The following DPPA3 variants were observed in gnomAD, a reference collection of about 807,000 sequenced individuals.
DPPA3 encodes the protein developmental pluripotency-associated protein 3.
In DPPA3, 9 loss-of-function variants were observed where a neutral mutation model predicts 15.6. The observed-to-expected ratio is 0.58, with a 90% CI of 0.35 to 1.01. The LOEUF (loss-of-function observed/expected upper bound fraction) is 1.01, where lower values mean the gene tolerates loss of function less well. Among genes scored for constraint, DPPA3 ranks in the 50% least tolerant of loss-of-function variants. DPPA3 has a pLI of 0.02. For synonymous variants in DPPA3, 61 were observed against 70.9 expected, an observed-to-expected ratio of 0.86 and a Z score of 0.70; for missense variants, 148 against 194.6, an observed-to-expected ratio of 0.76 and a Z score of 1.42.
chr12:7,712,975 G>T (rs776459575), intron 1 of DPPA3, among the ~76,000 whole-genome samples: 3 of 152,204 alleles, frequency 2.0e-5, no homozygotes, highest in Non-Finnish European at 4.4e-5. Flanking sequence ...AACGTGCTCC[G>T]TAATGTAAAT....
At chr12:7,714,582 G>A (rs1864377668) in intron 1 of DPPA3, among the ~76,000 whole-genome samples, 1 of 151,828 alleles carries the variant, frequency 6.6e-6, no homozygotes, top group Admixed American at 6.6e-5. Flanking sequence ...GGCGCAACCT[G>A]AGGTCACTGC....
chr12:7,714,573 G>A (rs116988195), intron 1 of DPPA3, among the ~76,000 whole-genome samples: 2,105 of 151,892 alleles, frequency 0.014, 25 homozygotes, highest in South Asian at 0.039. Context: ...GAGTGCAGTG[G>A]CGCAACCTGA....
intron 1 of DPPA3, among the ~76,000 whole-genome samples, chr12:7,713,290 C>A (rs1331086748): frequency 1.3e-5 from 2 of 152,184 alleles, no homozygotes; most frequent in African/African-American, 4.8e-5. Context: ...TAGCTGTGTC[C>A]CCTGCGTCCA....
At position 7,711,720 on chromosome 12, in the gene DPPA3, C is replaced by CTTTTTTTT. The variant is rs3069565; in HGVS notation, c.82+90_82+97dup. ...GGTTGGGAGGTCAAAAGGCTGCCGT[C>CTTTTTTTT]TTTTTTTTTTTTTTTTTTTTTTTTT... On this transcript the variant is annotated intron_variant, in intron 1 of 3. Transcript: ENST00000345088. 1.8e-5 allele frequency: 6 copies of CTTTTTTTT among 340,696 alleles called. 2 individuals are homozygous for CTTTTTTTT. Among genetic ancestry groups the CTTTTTTTT allele is most frequent in the African/African-American group, 1.8e-4 (4 of 22,832 alleles). 21.1% of individuals were successfully genotyped at this position (340,696 alleles called of 1,614,324 possible).
Position 7,711,447 on chromosome 12 carries a change from C to T in DPPA3, c.-124C>T. On this transcript the variant is annotated 5_prime_UTR_variant, in exon 1 of 4. Coordinates refer to ENST00000345088, the MANE Select transcript of DPPA3 (RefSeq NM_199286.4). ...CTATAGTTTACGTCAGTTCTTTGAC[C>T]ATTCGTTGGAGCTCCGGTTTTCAGC... is the stretch of plus-strand genomic sequence containing the variant. The T allele has an allele frequency of 2.7e-6, 2 of 733,414 alleles. No individual in the cohort carries two copies. The highest frequency in any genetic ancestry group is 2.1e-5 in the South Asian group (1 of 47,974). The allele number at this position is 733,414 out of a possible 1,614,324, so 45.4% of individuals were successfully genotyped here. A position where few individuals can be genotyped will look rare whatever the true frequency, so the allele number is the denominator to read the frequency against.
chr12:7,716,756 A>G (rs781775222), intron 3 of DPPA3, among the ~76,000 whole-genome samples: 3 of 152,292 alleles, frequency 2.0e-5, no homozygotes, highest in Admixed American at 6.5e-5. Flanking sequence ...ACTTGTTACC[A>G]TTACAAAATG....
intron 1 of DPPA3, among the ~76,000 whole-genome samples, chr12:7,712,465 T>G (rs1413495744): frequency 6.6e-6 from 1 of 152,206 alleles, no homozygotes; most frequent in East Asian, 1.9e-4. Flanking sequence ...TTTATATATT[T>G]TTTTGAGACG....
chr12:7,716,451 A>T (rs1022441786), intron 3 of DPPA3, among the ~76,000 whole-genome samples: 1 of 152,048 alleles, frequency 6.6e-6, no homozygotes, highest in Admixed American at 6.6e-5. Context: ...TTTTATGTTC[A>T]TAGCCTTTCC....
Position 7,711,537 on chromosome 12 carries a change from T to C in DPPA3, c.-34T>C. The C allele has an allele frequency of 6.3e-7, 1 of 1,593,318 alleles. No homozygotes were observed. The highest frequency in any genetic ancestry group is 2.3e-5 in the East Asian group (1 of 43,794). ...ATCAGTTTCTGCTACGTTTCAAAGATCCTGGAGAAGCCTAGTGTTGTGTCA... is the reference window on the plus strand; with the variant it reads ...ATCAGTTTCTGCTACGTTTCAAAGACCCTGGAGAAGCCTAGTGTTGTGTCA... On this transcript the variant is annotated 5_prime_UTR_variant, in exon 1 of 4. Coordinates refer to ENST00000345088, the MANE Select transcript of DPPA3 (RefSeq NM_199286.4).
chr12:7,717,160 C>T lies in DPPA3; in HGVS notation c.*83C>T, dbSNP rs902739382. ...CTACTCTATGCTAGTATAGACTATA[C>T]ACCAATAATTTTGATAATGAGTTCT... On this transcript the variant is annotated 3_prime_UTR_variant, in exon 4 of 4. Coordinates refer to ENST00000345088, the MANE Select transcript of DPPA3 (RefSeq NM_199286.4). 3.5e-6 allele frequency: 3 copies of T among 855,154 alleles called. No individual in the cohort carries two copies. The highest frequency in any genetic ancestry group is 5.7e-6 in the Non-Finnish European group (3 of 526,202). 53.0% of individuals were successfully genotyped at this position (855,154 alleles called of 1,614,324 possible). A position where few individuals can be genotyped will look rare whatever the true frequency, so the allele number is the denominator to read the frequency against.
Position 7,715,257 on chromosome 12 carries a change from G to C in DPPA3, c.157G>C (p.Val53Leu), listed in dbSNP as rs200485546. The C allele has an allele frequency of 4.3e-5, 69 of 1,613,794 alleles. No homozygotes were observed. Among genetic ancestry groups the C allele is most frequent in the Middle Eastern group, 1.6e-4 (1 of 6,078 alleles). Residue 53 changes from valine (V) to leucine (L), a missense_variant, in exon 2 of 4, where the codon GTT (valine) becomes CTT (leucine). Transcript: ENST00000345088. ...NLTINASSES[V>L]SPLSEALLRR... ...GACTATCAACGCTAGTAGCGAATCTGTTTCCCCTCTATCGGAAGCTTTACT... is the reference window on the plus strand; with the variant it reads ...GACTATCAACGCTAGTAGCGAATCTCTTTCCCCTCTATCGGAAGCTTTACT...
rs1864397333 is a variant in DPPA3 at position 7,716,216 on chromosome 12, A to C, written c.346A>C (p.Asn116His). The change falls in exon 3 of 4, where the codon AAC (asparagine) becomes CAC (histidine). Residue 116 changes from asparagine to histidine, a missense_variant. Coordinates refer to ENST00000345088, the MANE Select transcript of DPPA3 (RefSeq NM_199286.4). ...GVRTHERRPT[N>H]KEPKGVKKES... ...CATGAAGCATGAAAGAAGACCAACA[A>C]ACAAGGAGCCTAAGGGAGTTAAGGT... The C allele has an allele frequency of 6.2e-7, 1 of 1,606,262 alleles. No homozygotes were observed. Among genetic ancestry groups the C allele is most frequent in the Non-Finnish European group, 8.5e-7 (1 of 1,176,246 alleles).
chr12:7,715,057 A>T, intron 1 of DPPA3, 126 bp from the exon 2 acceptor site: 1 of 1,412,248 alleles, frequency 7.1e-7, no homozygotes, highest in Non-Finnish European at 9.8e-7. Context: ...TGCGTTGTTT[A>T]CTGTGACCTT....
In DPPA3 at chr12:7,717,107, A is replaced by G; in HGVS notation, c.*30A>G. On this transcript the variant is annotated 3_prime_UTR_variant, in exon 4 of 4. Coordinates refer to ENST00000345088, the MANE Select transcript of DPPA3 (RefSeq NM_199286.4). ...TATTCTTGCACCTTTTTTTCTTGGT[A>G]GTAATTTTATATAGCAGGTTGAGAA... The G allele has an allele frequency of 7.7e-7, 1 of 1,305,296 alleles. No individual in the cohort carries two copies. 80.9% of individuals were successfully genotyped at this position (1,305,296 alleles called of 1,614,324 possible).
intron 2 of DPPA3, 132 bp downstream of exon 2, chr12:7,715,559 G>C: frequency 1.4e-6 from 2 of 1,389,016 alleles, no homozygotes; most frequent in East Asian, 2.4e-5. Context: ...ACTTCGGGAG[G>C]CTGAGGCAGG....
intron 1 of DPPA3, among the ~76,000 whole-genome samples, chr12:7,714,760 T>C (rs1864379823): frequency 6.6e-6 from 1 of 151,984 alleles, no homozygotes; most frequent in Non-Finnish European, 1.5e-5. Context: ...TCCCCCAGAC[T>C]AGAGTGCAGT....
chr12:7,714,064 T>TA (rs35971509), intron 1 of DPPA3, among the ~76,000 whole-genome samples: 34,538 of 151,320 alleles, frequency 0.23, 5,103 homozygotes, highest in Non-Finnish European at 0.32. Flanking sequence ...CCTTCTCTAC[T>TA]AAAAAATAGA....
At chr12:7,711,785 T>C (rs1864348031) in intron 1 of DPPA3, 133 bp downstream of exon 1, 1 of 763,364 alleles carries the variant, frequency 1.3e-6, no homozygotes, top group Non-Finnish European at 2.0e-6. Context: ...GGAATGTATT[T>C]AGGTAAACCT....
chr12:7,711,604 C>T lies in DPPA3; in HGVS notation c.34C>T (p.Pro12Ser), dbSNP rs151225281. The T allele has an allele frequency of 2.2e-5, 36 of 1,613,492 alleles. No individual in the cohort carries two copies. The African/African-American group carries it at 3.2e-4, about 14-fold the overall frequency. Reference protein sequence around the residue: ...DPSQFNPTYIPGSPQMLTEEN... With the variant: ...DPSQFNPTYISGSPQMLTEEN... ...ATCACAGTTTAATCCAACCTACATCCCAGGGTCTCCACAAATGCTCACCGA... is the reference window on the plus strand; with the variant it reads ...ATCACAGTTTAATCCAACCTACATCTCAGGGTCTCCACAAATGCTCACCGA... The change falls in exon 1 of 4, where the codon CCA becomes TCA. Residue 12 changes from proline (P) to serine (S), a missense_variant. Transcript: ENST00000345088.
Sources: allele counts gnomAD v4.1 joint callset (sites outside exome capture counted in the v4.1 genomes callset), GRCh38; gene constraint gnomAD v4.1.1; transcripts MANE v1.5; gene names NCBI Gene and HGNC (gene_info 2026-07-23, HGNC 2026-07-21).